SYT1: variants seen among roughly 807,000 people sequenced by gnomAD.
SYT1 encodes synaptotagmin 1.
SYT1 carries 8 observed loss-of-function variants against 44.8 expected under a neutral mutation model. That is an observed-to-expected ratio of 0.18 (90% CI 0.10 to 0.32). The LOEUF (loss-of-function observed/expected upper bound fraction) is 0.32. SYT1 is among the 10% of genes least tolerant of loss of function. SYT1 has a pLI of 1.00. For synonymous variants in SYT1, 154 were observed against 188.8 expected (o/e 0.82, Z 1.51); for missense variants, 286 against 509.3 (o/e 0.56, Z 4.22).
At chr12:79,419,918 G>A (rs1056826772) in intron 9 of SYT1, among the ~76,000 whole-genome samples, 1 of 151,996 alleles carries the variant, frequency 6.6e-6, no homozygotes, top group Non-Finnish European at 1.5e-5. Flanking sequence ...TGTATTTTGT[G>A]CATTTTCAAG....
chr12:79,054,316 A>C (rs570845516), intron 3 of SYT1, among the ~76,000 whole-genome samples: 1 of 152,026 alleles, frequency 6.6e-6, no homozygotes, highest in Non-Finnish European at 1.5e-5. Context: ...CTTATCATCA[A>C]TAAATATTAG....
chr12:79,039,626 AT>A (rs746106423), intron 2 of SYT1, among the ~76,000 whole-genome samples: 27 of 149,036 alleles, frequency 1.8e-4, no homozygotes, highest in African/African-American at 5.6e-4. Context: ...TTATTTTTTT[AT>A]TTTTTTTATT....
chr12:79,145,258 C>G (rs991502814), intron 3 of SYT1, among the ~76,000 whole-genome samples: 2 of 152,016 alleles, frequency 1.3e-5, no homozygotes, highest in Admixed American at 1.3e-4. Context: ...TTATAAATCT[C>G]TATAGCTTTG....
chr12:79,251,742 C>T (rs1475606989), intron 4 of SYT1, among the ~76,000 whole-genome samples: 1 of 152,112 alleles, frequency 6.6e-6, no homozygotes, highest in Non-Finnish European at 1.5e-5. Flanking sequence ...AGAACTCAGG[C>T]TGTTAGTGAT....
chr12:78,957,504 G>A (rs1474196300), intron 1 of SYT1, among the ~76,000 whole-genome samples: 1 of 152,132 alleles, frequency 6.6e-6, no homozygotes, highest in African/African-American at 2.4e-5. Flanking sequence ...TCTTTGGGAT[G>A]AATTTTATTG....
At chr12:78,899,621 CT>C (rs1565708228) in intron 1 of SYT1, among the ~76,000 whole-genome samples, 1 of 87,592 alleles carries the variant, frequency 1.1e-5, no homozygotes, top group South Asian at 7.1e-4. Context: ...AGAGTTTTTT[CT>C]TTTTTCTTAT....
rs111683290 is a variant in SYT1 at position 79,338,688 on chromosome 12, T to C, written c.811-14814T>C. Among the ~76,000 whole-genome samples, 3 of 148,524 alleles carry C rather than the reference T, an allele frequency of 2.0e-5. No homozygotes were observed. The South Asian group carries it at 6.6e-4, about 33-fold the overall frequency. ...TCCCTCCCTCCCTTTTTTTTTATTA[T>C]ACTTTAAGTTCTAGGGTACATGTGC... On this transcript the variant is annotated intron_variant, in intron 8 of 10. Coordinates refer to ENST00000261205, the MANE Select transcript of SYT1 (RefSeq NM_005639.3).
intron 8 of SYT1, among the ~76,000 whole-genome samples, chr12:79,326,724 A>G (rs1345624008): frequency 6.6e-6 from 1 of 152,204 alleles, no homozygotes; most frequent in Non-Finnish European, 1.5e-5. Flanking sequence ...CTAATGACCA[A>G]ACAGTGGCAT....
intron 1 of SYT1, among the ~76,000 whole-genome samples, chr12:78,931,199 G>GAAAT (rs1384325804): frequency 3.0e-5 from 1 of 33,552 alleles, no homozygotes; most frequent in Non-Finnish European, 5.1e-5. Context: ...AAGAAAGAAA[G>GAAAT]AAAGAAAGAA....
At chr12:79,049,660 A>T (rs954007311) in intron 3 of SYT1, among the ~76,000 whole-genome samples, 1 of 151,994 alleles carries the variant, frequency 6.6e-6, no homozygotes, top group Non-Finnish European at 1.5e-5. Context: ...TCAGATGAAT[A>T]TAATAGATAA....
intron 3 of SYT1, among the ~76,000 whole-genome samples, chr12:79,059,226 T>C (rs61929017): frequency 0.047 from 7,133 of 152,090 alleles, 211 homozygotes; most frequent in Admixed American, 0.082. Context: ...TGACCTCCCA[T>C]TGGGTCTCTC....
chr12:78,929,513 C>T (rs1260523707), intron 1 of SYT1, among the ~76,000 whole-genome samples: 4 of 135,224 alleles, frequency 3.0e-5, no homozygotes, highest in Non-Finnish European at 3.1e-5. Flanking sequence ...TACTTTCTAA[C>T]TTCACAATTT....
At chr12:79,285,311 T>A (rs906671536) in intron 4 of SYT1, among the ~76,000 whole-genome samples, 1 of 152,236 alleles carries the variant, frequency 6.6e-6, no homozygotes, top group African/African-American at 2.4e-5. Flanking sequence ...GCTTTTGCCA[T>A]GTGCCAGGCA....
chr12:79,338,566 C>T (rs1565915124), intron 8 of SYT1, among the ~76,000 whole-genome samples: 1 of 152,038 alleles, frequency 6.6e-6, no homozygotes, highest in South Asian at 2.1e-4. Flanking sequence ...AGCCACCACA[C>T]CTGACCAACT....
intron 9 of SYT1, among the ~76,000 whole-genome samples, chr12:79,371,396 T>C (rs1883783647): frequency 6.6e-6 from 1 of 152,218 alleles, no homozygotes. Context: ...TGACTCACAA[T>C]GAATACTCTC....
At chr12:79,224,874 G>C (rs142696920) in intron 4 of SYT1, among the ~76,000 whole-genome samples, 5,343 of 151,312 alleles carry the variant, frequency 0.035, 126 homozygotes, top group Non-Finnish European at 0.051. Flanking sequence ...CCATCTCCTG[G>C]GTTCAAGCGA....
chr12:79,437,336 G>A (rs188032193), intron 9 of SYT1, among the ~76,000 whole-genome samples: 1 of 152,314 alleles, frequency 6.6e-6, no homozygotes, highest in Admixed American at 6.5e-5. Flanking sequence ...AGACATGGCA[G>A]TGGGTTAGAA....
At chr12:79,278,582 A>C (rs1878868571) in intron 4 of SYT1, among the ~76,000 whole-genome samples, 1 of 152,100 alleles carries the variant, frequency 6.6e-6, no homozygotes, top group Non-Finnish European at 1.5e-5. Flanking sequence ...ACAATTGACA[A>C]GCTAATGTCA....
intron 3 of SYT1, among the ~76,000 whole-genome samples, chr12:79,051,545 A>T (rs1470728873): frequency 6.6e-6 from 1 of 151,596 alleles, no homozygotes; most frequent in East Asian, 1.9e-4. Context: ...CCATAGGAAA[A>T]TGTGAGGACA....
Sources: gnomAD v4.1 joint callset for allele counts (sites outside exome capture counted in the v4.1 genomes callset) on GRCh38, gnomAD v4.1.1 for gene constraint, MANE v1.5 for transcripts, NCBI Gene and HGNC (gene_info 2026-07-23, HGNC 2026-07-21) for gene names.